CNTN5: variants seen among roughly 807,000 people sequenced by gnomAD.
CNTN5 encodes contactin 5.
A neutral mutation model predicts 129.1 loss-of-function variants in CNTN5; 77 were observed. That is an observed-to-expected ratio of 0.60 (90% CI 0.50 to 0.72). The LOEUF (loss-of-function observed/expected upper bound fraction) is 0.72. Among genes scored for constraint, CNTN5 ranks in the 30% least tolerant of loss-of-function variants. The pLI is 0.00. For missense variants in CNTN5, 1,478 were observed against 1,328.8 expected (o/e 1.11, Z -1.75); for synonymous variants, 509 against 465.6 (o/e 1.09, Z -1.20).
chr11:99,666,998 A>T (rs1052699977), intron 3 of CNTN5, among the ~76,000 whole-genome samples: 2 of 152,022 alleles, frequency 1.3e-5, no homozygotes, highest in Non-Finnish European at 2.9e-5. Flanking sequence ...TAATAGAATT[A>T]TAATGCTTTA....
intron 1 of CNTN5, among the ~76,000 whole-genome samples, chr11:99,299,845 T>C (rs1864550922): frequency 6.6e-6 from 1 of 152,194 alleles, no homozygotes; most frequent in African/African-American, 2.4e-5. Context: ...GAAATAGTGC[T>C]GTGAGAAACA....
intron 3 of CNTN5, among the ~76,000 whole-genome samples, chr11:99,773,086 A>G (rs1452317100): frequency 6.6e-6 from 1 of 152,136 alleles, no homozygotes; most frequent in African/African-American, 2.4e-5. Context: ...ATGGAACATT[A>G]TCAGTATTCA....
chr11:99,303,911 C>T (rs1037963822), intron 1 of CNTN5, among the ~76,000 whole-genome samples: 1 of 152,058 alleles, frequency 6.6e-6, no homozygotes, highest in Non-Finnish European at 1.5e-5. Flanking sequence ...TAATAAGCAA[C>T]ATATTTGTGG....
intron 6 of CNTN5, among the ~76,000 whole-genome samples, chr11:99,880,005 TC>T (rs996500287): frequency 4.3e-4 from 65 of 152,196 alleles, no homozygotes; most frequent in African/African-American, 1.5e-3. Flanking sequence ...AGAATATCTT[TC>T]AAAGTGAGGT....
chr11:100,043,060 A>G (rs1015199967), intron 9 of CNTN5, among the ~76,000 whole-genome samples: 19 of 152,166 alleles, frequency 1.2e-4, no homozygotes, highest in Non-Finnish European at 1.5e-5. Flanking sequence ...CTCTACTCTC[A>G]GGTTATTATT....
chr11:100,260,499 A>C (rs1408368987), intron 17 of CNTN5, among the ~76,000 whole-genome samples: 2 of 152,282 alleles, frequency 1.3e-5, no homozygotes, highest in Non-Finnish European at 2.9e-5. Flanking sequence ...CAAAAAAAGA[A>C]AATTTCAGGC....
At chr11:99,828,120 T>C (rs1334746672) in intron 4 of CNTN5, among the ~76,000 whole-genome samples, 1 of 152,114 alleles carries the variant, frequency 6.6e-6, no homozygotes, top group Non-Finnish European at 1.5e-5. Context: ...AATAAAATAA[T>C]AATAGTTATA....
chr11:99,464,144 T>C (rs1235917439), intron 2 of CNTN5, among the ~76,000 whole-genome samples: 1 of 152,194 alleles, frequency 6.6e-6, no homozygotes, highest in African/African-American at 2.4e-5. Context: ...CCAGCATAAG[T>C]GTGCTAAGTG....
chr11:99,505,643 C>T (rs189542229), intron 2 of CNTN5, among the ~76,000 whole-genome samples: 3 of 152,292 alleles, frequency 2.0e-5, no homozygotes, highest in East Asian at 1.9e-4. Context: ...TCTTTATACA[C>T]GTAAGGCTTG....
At chr11:100,257,900 C>A (rs1258835856) in intron 17 of CNTN5, among the ~76,000 whole-genome samples, 1 of 152,120 alleles carries the variant, frequency 6.6e-6, no homozygotes, top group African/African-American at 2.4e-5. Context: ...AGGATCACAA[C>A]TCCTCGCCAG....
At chr11:99,141,815 G>A (rs1443119305) in intron 1 of CNTN5, among the ~76,000 whole-genome samples, 3 of 152,084 alleles carry the variant, frequency 2.0e-5, no homozygotes, top group African/African-American at 7.2e-5. Context: ...TGAGAAACCC[G>A]CTTGGCATTG....
chr11:100,240,771 T>A (rs1012309469), intron 16 of CNTN5, among the ~76,000 whole-genome samples: 1 of 152,212 alleles, frequency 6.6e-6, no homozygotes, highest in Non-Finnish European at 1.5e-5. Context: ...TTTACCCATA[T>A]ATTGTCAAGG....
Position 99,057,126 on chromosome 11 carries a change from A to T in CNTN5, c.-210+35856A>T, listed in dbSNP as rs140295006. On this transcript the variant is annotated intron_variant, in intron 1 of 24. Transcript: ENST00000524871. ...AACTTAAATTATGCTGTCTCTTGGG[A>T]TAGATGGTTGGATTACCTTTGAAAT... Among the ~76,000 whole-genome samples the T allele has an allele frequency of 7.0e-3, 1,072 of 152,114 alleles. 15 individuals carry two copies. The highest frequency in any genetic ancestry group is 0.024 in the African/African-American group (980 of 41,500).
intron 7 of CNTN5, among the ~76,000 whole-genome samples, chr11:99,954,620 T>A (rs957157514): frequency 6.6e-6 from 1 of 152,132 alleles, no homozygotes; most frequent in Non-Finnish European, 1.5e-5. Context: ...AATTATAGAT[T>A]TATAGTTTTT....
At chr11:99,600,674 G>A (rs1358631959) in intron 3 of CNTN5, among the ~76,000 whole-genome samples, 1 of 152,108 alleles carries the variant, frequency 6.6e-6, no homozygotes, top group Non-Finnish European at 1.5e-5. Context: ...TAGGAAGATG[G>A]GTAGAAGCCA....
intron 2 of CNTN5, among the ~76,000 whole-genome samples, chr11:99,482,067 A>G (rs1408637436): frequency 6.6e-6 from 1 of 152,178 alleles, no homozygotes; most frequent in Non-Finnish European, 1.5e-5. Flanking sequence ...GATTGCATAT[A>G]AAGGAAAAGG....
intron 3 of CNTN5, among the ~76,000 whole-genome samples, chr11:99,750,104 G>T (rs1019931563): frequency 6.6e-6 from 1 of 152,098 alleles, no homozygotes; most frequent in Non-Finnish European, 1.5e-5. Flanking sequence ...TCTGATTCTT[G>T]TGTCTGTTAT....
At chr11:99,614,217 A>T (rs2135740134) in intron 3 of CNTN5, among the ~76,000 whole-genome samples, 1 of 152,330 alleles carries the variant, frequency 6.6e-6, no homozygotes, top group South Asian at 2.1e-4. Flanking sequence ...TTTTTACTAT[A>T]TCAATTCCAA....
At chr11:99,295,412 A>C (rs913290693) in intron 1 of CNTN5, among the ~76,000 whole-genome samples, 6 of 152,250 alleles carry the variant, frequency 3.9e-5, no homozygotes, top group Admixed American at 2.0e-4. Flanking sequence ...CTGTTGTGTA[A>C]TGATAGCCTT....
Sources: allele counts gnomAD v4.1 joint callset (sites outside exome capture counted in the v4.1 genomes callset), GRCh38; gene constraint gnomAD v4.1.1; transcripts MANE v1.5; gene names NCBI Gene and HGNC (gene_info 2026-07-23, HGNC 2026-07-21).